Variants in AK2 observed in about 807,000 individuals in gnomAD.
The protein encoded by AK2 is adenylate kinase 2.
AK2 carries 15 observed loss-of-function variants against 24.6 expected under a neutral mutation model. The observed-to-expected ratio is 0.61, with a 90% CI of 0.41 to 0.94. AK2 has a LOEUF of 0.94. Ranked by LOEUF, AK2 falls within the 40% of genes least tolerant of loss-of-function variation. The pLI, the probability that AK2 is intolerant of heterozygous loss-of-function variation, is 0.00. For missense variants in AK2, 257 were observed against 304.1 expected (o/e 0.85, Z 1.15); for synonymous variants, 102 against 114.0 (o/e 0.90, Z 0.67).
At chr1:33,026,831 ACT>A (rs1415910353) in intron 1 of AK2, among the ~76,000 whole-genome samples, 1 of 149,422 alleles carries the variant, frequency 6.7e-6, no homozygotes, top group Non-Finnish European at 1.5e-5. Flanking sequence ...ACAAAAAAAA[ACT>A]CTGTACTCTG....
At position 33,013,381 on chromosome 1, in the gene AK2, G is replaced by A. The variant is rs764104016; in HGVS notation, c.520C>T (p.Arg174Cys). ...KDDITGEPLI[R>C]RSDDNEKALK... ...GCCTTTTCATTATCATCTGATCGAC[G>A]GATCAAGGGTTCCCCGGTGATCTGA... is the stretch of plus-strand genomic sequence containing the variant. Residue 174 changes from arginine to cysteine, a missense_variant, in exon 6 of 6, where the codon CGT becomes TGT. By Grantham distance (180) the Arg-to-Cys change is radical. Transcript: ENST00000672715. The A allele has an allele frequency of 3.1e-6, 5 of 1,614,096 alleles. No individual in the cohort carries two copies. Among genetic ancestry groups the A allele is most frequent in the Admixed American group, 3.3e-5 (2 of 60,016 alleles).
chr1:33,035,520 C>T (rs192389828), intron 1 of AK2, among the ~76,000 whole-genome samples: 6 of 152,290 alleles, frequency 3.9e-5, no homozygotes, highest in Admixed American at 2.6e-4. Context: ...CATTTGGGAG[C>T]TCAGACTTCC....
In AK2 at chr1:33,012,345, G is replaced by C; in HGVS notation, c.*836C>G. 3 of 1,529,246 alleles carry C rather than the reference G, an allele frequency of 2.0e-6. No individual in the cohort carries two copies. Among genetic ancestry groups the C allele is most frequent in the Non-Finnish European group, 2.6e-6 (3 of 1,144,578 alleles). The allele number at this position is 1,529,246 out of a possible 1,614,324, so 94.7% of individuals were successfully genotyped here. A position where few individuals can be genotyped will look rare whatever the true frequency, so the allele number is the denominator to read the frequency against. ...GTAAGTGCCTTTTTCCTTCCACCTA[G>C]GGGGAAAAAATTAATGATCCCTGTT... On this transcript the variant is annotated 3_prime_UTR_variant, in exon 6 of 6. Coordinates refer to ENST00000672715, the MANE Select transcript of AK2 (RefSeq NM_001625.4).
rs182738302 is a variant in AK2, at chr1:33,023,600, T to C, written c.219+842A>G. On this transcript the variant is annotated intron_variant, in intron 2 of 5. Transcript: ENST00000672715. ...AAAAAAAAGAGAGAAAATGCAATTATCGTCCCCAGATAAGAAGGATTACCT... is the reference window on the plus strand; with the variant it reads ...AAAAAAAAGAGAGAAAATGCAATTACCGTCCCCAGATAAGAAGGATTACCT... 2.0e-5 allele frequency among the ~76,000 whole-genome samples: 3 copies of C among 152,052 alleles called. No individual in the cohort carries two copies. The East Asian group carries it at 5.8e-4, about 30-fold the overall frequency.
At chr1:33,023,261 C>A in intron 2 of AK2, among the ~76,000 whole-genome samples, 1 of 152,066 alleles carries the variant, frequency 6.6e-6, no homozygotes, top group Non-Finnish European at 1.5e-5. Context: ...GGTCAACTGG[C>A]CTAAAGAAGG....
chr1:33,025,188 C>CAAAA (rs386366656), intron 1 of AK2, among the ~76,000 whole-genome samples: 1,199 of 68,078 alleles, frequency 0.018, 31 homozygotes, highest in South Asian at 0.027. Context: ...GACTTCGTCT[C>CAAAA]AAAAAAAAAA....
At chr1:33,019,604 G>A (rs539172044) in intron 4 of AK2, 218 of 985,280 alleles carry the variant, frequency 2.2e-4, no homozygotes, top group South Asian at 5.6e-4. Context: ...ATTTCATATC[G>A]CTTTCCAGGA....
chr1:33,008,039 A>G lies in AK2; in HGVS notation c.*5142T>C. The G allele has an allele frequency of 2.2e-6, 1 of 454,168 alleles. No homozygotes were observed. 28.1% of individuals were successfully genotyped at this position (454,168 alleles called of 1,614,324 possible). ...ACTATTATTAATTATGAAAACACAT[A>G]AAGAATTCTGCATATAATTTCAGAG... is the stretch of plus-strand genomic sequence containing the variant. On this transcript the variant is annotated 3_prime_UTR_variant, in exon 6 of 6. Transcript: ENST00000672715.
In AK2 at chr1:33,012,879, C is replaced by T; in HGVS notation, c.*302G>A. On this transcript the variant is annotated 3_prime_UTR_variant, in exon 6 of 6. Transcript: ENST00000672715. ...CGCCACTGCACTCCAGCCAGGGTGGCAGAGCGAAACCTTGTCTCAAAACAA... is the reference window on the plus strand; with the variant it reads ...CGCCACTGCACTCCAGCCAGGGTGGTAGAGCGAAACCTTGTCTCAAAACAA... 7.5e-7 allele frequency: 1 copy of T among 1,330,478 alleles called. No individual in the cohort carries two copies. The highest frequency in any genetic ancestry group is 9.8e-7 in the Non-Finnish European group (1 of 1,017,184). 82.4% of individuals were successfully genotyped at this position (1,330,478 alleles called of 1,614,324 possible). A position where few individuals can be genotyped will look rare whatever the true frequency, so the allele number is the denominator to read the frequency against.
In AK2 at chr1:33,010,862, A is replaced by G; in HGVS notation, c.*2319T>C. ...AAATAGAGAGGAAACAAGAGAGAAC[A>G]AAATGGGTTTTTAAAAACCAAGTAC... On this transcript the variant is annotated 3_prime_UTR_variant, in exon 6 of 6. Transcript: ENST00000672715. The G allele has an allele frequency of 6.2e-7, 1 of 1,609,764 alleles. No homozygotes were observed. Among genetic ancestry groups the G allele is most frequent in the Non-Finnish European group, 8.5e-7 (1 of 1,178,604 alleles).
chr1:33,026,099 G>C (rs1225912369), intron 1 of AK2, among the ~76,000 whole-genome samples: 2 of 152,206 alleles, frequency 1.3e-5, no homozygotes, highest in Non-Finnish European at 2.9e-5. Flanking sequence ...ATCAGTTCAA[G>C]GAGCTCAATT....
chr1:33,017,833 C>T (rs1050534151), intron 4 of AK2, among the ~76,000 whole-genome samples: 1 of 152,164 alleles, frequency 6.6e-6, no homozygotes, highest in African/African-American at 2.4e-5. Context: ...TGGCTCAGTG[C>T]AGCCTCGACC....
Position 33,008,539 on chromosome 1 carries a change from C to A in AK2, c.*4642G>T. 1 of 454,118 alleles carries A rather than the reference C, an allele frequency of 2.2e-6. No homozygotes were observed. Among genetic ancestry groups the A allele is most frequent in the Admixed American group, 2.3e-5 (1 of 42,572 alleles). 28.1% of individuals were successfully genotyped at this position (454,118 alleles called of 1,614,324 possible). A position where few individuals can be genotyped will look rare whatever the true frequency, so the allele number is the denominator to read the frequency against. Reference sequence around the variant, plus strand: ...GAGCTCTTATTCAGAGCAGCCCTTCCTGTGTGCAGAGCTACGCAAGTAATT... The same window carrying A: ...GAGCTCTTATTCAGAGCAGCCCTTCATGTGTGCAGAGCTACGCAAGTAATT... On this transcript the variant is annotated 3_prime_UTR_variant, in exon 6 of 6. Transcript: ENST00000672715.
intron 4 of AK2, among the ~76,000 whole-genome samples, chr1:33,016,246 C>CT (rs1639177785): frequency 6.6e-6 from 1 of 152,184 alleles, no homozygotes; most frequent in Admixed American, 6.5e-5. Context: ...GAGTCTCCCT[C>CT]TGTCACCCAG....
intron 1 of AK2, among the ~76,000 whole-genome samples, chr1:33,025,017 T>C (rs923170232): frequency 7.9e-5 from 12 of 151,980 alleles, no homozygotes; most frequent in African/African-American, 2.9e-4. Flanking sequence ...AAACCCCGTC[T>C]CTACTAAAAA....
Position 33,008,276 on chromosome 1 carries a change from T to C in AK2, c.*4905A>G. The stretch of plus-strand genomic sequence containing the variant: ...TTCCTATTCTACTGATGAGGTGAGA[T>C]AACTTGTCCAAGGTCGCATGGTGAA... On this transcript the variant is annotated 3_prime_UTR_variant, in exon 6 of 6. Coordinates refer to ENST00000672715, the MANE Select transcript of AK2 (RefSeq NM_001625.4). The C allele has an allele frequency of 2.2e-6, 1 of 454,052 alleles. No individual in the cohort carries two copies. The highest frequency in any genetic ancestry group is 4.4e-6 in the Non-Finnish European group (1 of 226,750). The allele number at this position is 454,052 out of a possible 1,614,324, so 28.1% of individuals were successfully genotyped here. A position where few individuals can be genotyped will look rare whatever the true frequency, so the allele number is the denominator to read the frequency against.
At chr1:33,024,653 C>T in intron 1 of AK2, 86 bp from the exon 2 acceptor site, 2 of 1,563,058 alleles carry the variant, frequency 1.3e-6, no homozygotes, top group Non-Finnish European at 1.8e-6. Flanking sequence ...GGCCCTGCCA[C>T]TTACTGGCTA....
In AK2 at chr1:33,012,868, A is replaced by G. The variant is rs1018478229; in HGVS notation, c.*313T>C. 2.3e-6 allele frequency: 3 copies of G among 1,318,168 alleles called. No homozygotes were observed. The highest frequency in any genetic ancestry group is 1.5e-5 in the African/African-American group (1 of 67,186). The allele number at this position is 1,318,168 out of a possible 1,614,324, so 81.7% of individuals were successfully genotyped here. ...AGCCAAGATCACGCCACTGCACTCC[A>G]GCCAGGGTGGCAGAGCGAAACCTTG... On this transcript the variant is annotated 3_prime_UTR_variant, in exon 6 of 6. Coordinates refer to ENST00000672715, the MANE Select transcript of AK2 (RefSeq NM_001625.4).
rs1036811205 is a variant in AK2 at position 33,008,654 on chromosome 1, T to C, written c.*4527A>G. On this transcript the variant is annotated 3_prime_UTR_variant, in exon 6 of 6. Transcript: ENST00000672715. ...TGCCTCTTATGCATGACCTCAGGAA[T>C]GCCACTTCACCTCTCTGAGTCTGGT... The C allele has an allele frequency of 4.4e-6, 2 of 454,008 alleles. No individual in the cohort carries two copies. The highest frequency in any genetic ancestry group is 4.0e-5 in the African/African-American group (2 of 50,004). 28.1% of individuals were successfully genotyped at this position (454,008 alleles called of 1,614,324 possible).
Sources: gnomAD v4.1 joint callset for allele counts (sites outside exome capture counted in the v4.1 genomes callset) on GRCh38, gnomAD v4.1.1 for gene constraint, MANE v1.5 for transcripts, NCBI Gene and HGNC (gene_info 2026-07-23, HGNC 2026-07-21) for gene names.